Variants in AGO3 observed in about 807,000 individuals in gnomAD.
AGO3 encodes protein argonaute-3.
Under a neutral mutation model 105.5 loss-of-function variants are expected in AGO3, and 16 were observed. That is an observed-to-expected ratio of 0.15 (90% CI 0.10 to 0.23). The LOEUF (loss-of-function observed/expected upper bound fraction) is 0.23, where lower values mean the gene tolerates loss of function less well. Ranked by LOEUF, AGO3 falls within the 10% of genes least tolerant of loss-of-function variation. The pLI is 1.00. For synonymous variants in AGO3, 340 were observed against 367.3 expected (o/e 0.93, Z 0.85); for missense variants, 534 against 1,088.0 (o/e 0.49, Z 7.16).
intron 17 of AGO3, among the ~76,000 whole-genome samples, chr1:36,049,868 TTGTAAATA>T (rs1420695885): frequency 3.3e-5 from 5 of 152,136 alleles, no homozygotes; most frequent in African/African-American, 1.2e-4. Flanking sequence ...GATATAACAG[TTGTAAATA>T]TATATGCAGC....
In AGO3 at chr1:36,061,887, AGTT is replaced by A. The variant is rs545788154; in HGVS notation, c.*6148_*6150del. 2.6e-5 allele frequency: 4 copies of A among 152,314 alleles called. No homozygotes were observed. Among genetic ancestry groups the A allele is most frequent in the Admixed American group, 2.0e-4 (3 of 15,300 alleles). 9.4% of individuals were successfully genotyped at this position (152,314 alleles called of 1,614,324 possible). A position where few individuals can be genotyped will look rare whatever the true frequency, so the allele number is the denominator to read the frequency against. On this transcript the variant is annotated 3_prime_UTR_variant, in exon 19 of 19. Transcript: ENST00000373191. ...GTGACAGTTTCATAAAAATAATGTT[AGTT>A]GTTGTCTTGAATCTCGTCCAAGGGA... is the stretch of plus-strand genomic sequence containing the variant.
chr1:36,026,880 G>A lies in AGO3; in HGVS notation c.1407-234G>A, dbSNP rs192048432. ...AGCTCTTAACCAGCATATACTATTA[G>A]TAATGCTCCTTGTAAACTACAGAAT... On this transcript the variant is annotated intron_variant, in intron 11 of 18. Transcript: ENST00000373191. Among the ~76,000 whole-genome samples, 498 of 152,306 alleles carry A rather than the reference G, an allele frequency of 3.3e-3. 1 individual carries two copies. Among genetic ancestry groups the A allele is most frequent in the Non-Finnish European group, 4.7e-3 (323 of 68,020 alleles).
At chr1:36,028,515 G>A (rs1404885284) in intron 12 of AGO3, among the ~76,000 whole-genome samples, 3 of 150,104 alleles carry the variant, frequency 2.0e-5, no homozygotes, top group Non-Finnish European at 4.4e-5. Flanking sequence ...TTGTTCTTGC[G>A]ATAGTTTACT....
chr1:36,031,476 C>G (rs1241442841), intron 12 of AGO3, among the ~76,000 whole-genome samples: 1 of 98,588 alleles, frequency 1.0e-5, no homozygotes, highest in Non-Finnish European at 2.8e-5. Flanking sequence ...CTTTATTTCT[C>G]CTTCATTTTT....
At chr1:36,043,214 C>T in intron 16 of AGO3, 1 of 431,134 alleles carries the variant, frequency 2.3e-6, no homozygotes, top group African/African-American at 2.1e-5. Flanking sequence ...ATCAGCTAAG[C>T]AGTAGTAGAG....
At chr1:36,007,352 T>G (rs1264965455) in intron 6 of AGO3, among the ~76,000 whole-genome samples, 3 of 152,172 alleles carry the variant, frequency 2.0e-5, no homozygotes, top group African/African-American at 7.2e-5. Flanking sequence ...CTGTTAACTC[T>G]TCTCTAGGCT....
At chr1:36,000,656 A>G (rs1169805476) in intron 5 of AGO3, among the ~76,000 whole-genome samples, 1 of 152,130 alleles carries the variant, frequency 6.6e-6, no homozygotes, top group Non-Finnish European at 1.5e-5. Flanking sequence ...ACCCAGATCA[A>G]TATGTGCTTA....
At chr1:36,017,461 T>C (rs575265140) in intron 11 of AGO3, among the ~76,000 whole-genome samples, 1 of 152,336 alleles carries the variant, frequency 6.6e-6, no homozygotes, top group South Asian at 2.1e-4. Flanking sequence ...AGCAATTCTA[T>C]TATCTAGCAC....
chr1:35,978,324 G>A lies in AGO3; in HGVS notation c.658+4813G>A, dbSNP rs371370354. 7.2e-5 allele frequency among the ~76,000 whole-genome samples: 11 copies of A among 151,996 alleles called. No homozygotes were observed. The East Asian group carries it at 2.1e-3, about 29-fold the overall frequency. On this transcript the variant is annotated intron_variant, in intron 5 of 18. Transcript: ENST00000373191. The stretch of plus-strand genomic sequence containing the variant: ...CCTGCCTCAGCCTCCCAAGTAGCTG[G>A]GATTACAGGTGCATGCCACGACACC...
At chr1:35,949,940 T>C (rs184832778) in intron 2 of AGO3, among the ~76,000 whole-genome samples, 20 of 152,090 alleles carry the variant, frequency 1.3e-4, no homozygotes, top group African/African-American at 4.8e-4. Context: ...AGATTTATAT[T>C]GGCCAGGCAT....
chr1:35,953,205 G>T (rs1646504595), intron 2 of AGO3, among the ~76,000 whole-genome samples: 2 of 151,972 alleles, frequency 1.3e-5, no homozygotes, highest in South Asian at 2.1e-4. Context: ...GAGGTGAAAG[G>T]ATCACTTGAG....
At position 36,060,515 on chromosome 1, in the gene AGO3, T is replaced by C. The variant is rs1643015469; in HGVS notation, c.*4770T>C. The C allele has an allele frequency of 6.6e-6, 1 of 152,252 alleles. No individual in the cohort carries two copies. Among genetic ancestry groups the C allele is most frequent in the Non-Finnish European group, 1.5e-5 (1 of 68,042 alleles). 9.4% of individuals were successfully genotyped at this position (152,252 alleles called of 1,614,324 possible). A position where few individuals can be genotyped will look rare whatever the true frequency, so the allele number is the denominator to read the frequency against. ...TGAATTTGCCAAGGGCAGTGATTTT[T>C]ATGAAATTCAAGAAGCAAACGACTT... On this transcript the variant is annotated 3_prime_UTR_variant, in exon 19 of 19. Coordinates refer to ENST00000373191, the MANE Select transcript of AGO3 (RefSeq NM_024852.4).
intron 3 of AGO3, among the ~76,000 whole-genome samples, chr1:35,970,953 C>T (rs1413623377): frequency 6.7e-6 from 1 of 150,312 alleles, no homozygotes; most frequent in Non-Finnish European, 1.5e-5. Flanking sequence ...TTTAAAATTC[C>T]CTGGCTCAAG....
intron 5 of AGO3, among the ~76,000 whole-genome samples, chr1:35,978,403 G>T (rs1003733733): frequency 6.6e-6 from 1 of 152,130 alleles, no homozygotes; most frequent in African/African-American, 2.4e-5. Flanking sequence ...TGTTGGTCAG[G>T]CTGGTCTCGA....
intron 11 of AGO3, among the ~76,000 whole-genome samples, chr1:36,019,168 C>T (rs1641078294): frequency 1.3e-5 from 2 of 152,138 alleles, no homozygotes; most frequent in Admixed American, 1.3e-4. Flanking sequence ...CCATGAAAAG[C>T]TTTCTTTACC....
chr1:36,021,590 G>A (rs905067500), intron 11 of AGO3, among the ~76,000 whole-genome samples: 2 of 151,966 alleles, frequency 1.3e-5, no homozygotes, highest in Admixed American at 1.3e-4. Flanking sequence ...TTTGACTGTT[G>A]TAGGGGACCT....
At chr1:36,026,195 G>A (rs955934811) in intron 11 of AGO3, among the ~76,000 whole-genome samples, 1 of 152,032 alleles carries the variant, frequency 6.6e-6, no homozygotes, top group Non-Finnish European at 1.5e-5. Flanking sequence ...TGCAACCTCC[G>A]CTTCCCAGAT....
rs1350187798 is a variant in AGO3 at position 36,013,560 on chromosome 1, G to A, written c.1150-70G>A. On this transcript the variant is annotated intron_variant, in intron 9 of 18. Transcript: ENST00000373191. ...TGGACACAGTGAAGAAAAAAAAGAG[G>A]GTTCTAATGCATTAAAGTAGGGGAT... 5.7e-6 allele frequency: 9 copies of A among 1,570,634 alleles called. No homozygotes were observed. The East Asian group carries it at 1.6e-4, about 28-fold the overall frequency.
At chr1:35,968,054 G>A (rs151263752) in intron 3 of AGO3, among the ~76,000 whole-genome samples, 194 of 152,200 alleles carry the variant, frequency 1.3e-3, no homozygotes, top group African/African-American at 4.2e-3. Flanking sequence ...TTCTGGTTAT[G>A]CATTATTGGC....
Sources: gnomAD v4.1 joint callset for allele counts (sites outside exome capture counted in the v4.1 genomes callset) on GRCh38, gnomAD v4.1.1 for gene constraint, MANE v1.5 for transcripts, NCBI Gene and HGNC (gene_info 2026-07-23, HGNC 2026-07-21) for gene names.